Variants in PRRX1 observed in about 807,000 individuals in gnomAD.
PRRX1 encodes paired mesoderm homeobox protein 1.
In PRRX1, 8 loss-of-function variants were observed where a neutral mutation model predicts 24.0. That is an observed-to-expected ratio of 0.33 (90% confidence interval 0.20 to 0.60). The LOEUF is 0.60. PRRX1 is among the 20% of genes least tolerant of loss of function. The pLI, the probability that PRRX1 is intolerant of heterozygous loss-of-function variation, is 0.82. For missense variants in PRRX1, 281 were observed against 322.4 expected (o/e 0.87, Z 0.98); for synonymous variants, 160 against 131.7 (o/e 1.22, Z -1.47).
intron 1 of PRRX1, 21 bp downstream of exon 1, chr1:170,664,480 C>T (rs1185105243): frequency 1.3e-6 from 2 of 1,584,948 alleles, no homozygotes; most frequent in South Asian, 1.1e-5. Context: ...GGCGCATGCC[C>T]ACGGGGGTGT....
intron 1 of PRRX1, among the ~76,000 whole-genome samples, chr1:170,712,849 A>G (rs1654793947): frequency 6.6e-6 from 1 of 152,190 alleles, no homozygotes. Flanking sequence ...ACTTCCAACT[A>G]TGCTTCCATC....
At chr1:170,715,767 T>A (rs953998735) in intron 1 of PRRX1, among the ~76,000 whole-genome samples, 2 of 152,242 alleles carry the variant, frequency 1.3e-5, no homozygotes, top group African/African-American at 4.8e-5. Context: ...TTGCATTTTT[T>A]AATGGCTATT....
upstream of PRRX1, chr1:170,663,661 A>G (rs913108471): frequency 1.3e-5 from 2 of 152,482 alleles, no homozygotes; most frequent in African/African-American, 2.4e-5. Flanking sequence ...TAAAGCTGGA[A>G]CAAGCCTTCT....
At chr1:170,714,569 G>C (rs578024277) in intron 1 of PRRX1, among the ~76,000 whole-genome samples, 2 of 150,852 alleles carry the variant, frequency 1.3e-5, no homozygotes, top group Admixed American at 1.3e-4. Context: ...ATGTTTTTCC[G>C]TACCTTTAAA....
At chr1:170,732,938 T>TA (rs1466727625) in intron 3 of PRRX1, among the ~76,000 whole-genome samples, 2 of 152,158 alleles carry the variant, frequency 1.3e-5, no homozygotes, top group South Asian at 2.1e-4. Flanking sequence ...TGCCACCATA[T>TA]AATCAGACGA....
At chr1:170,722,513 T>C (rs772026478) in intron 2 of PRRX1, 22 of 152,190 alleles carry the variant, frequency 1.4e-4, no homozygotes, top group Non-Finnish European at 2.5e-4. Context: ...GTACAAACCA[T>C]ACACTTATGA....
chr1:170,726,287 C>T lies in PRRX1; in HGVS notation c.485C>T (p.Ala162Val), dbSNP rs1352996112. The change falls in exon 3 of 4, where the codon GCT becomes GTT. Residue 162 changes from alanine (A) to valine (V), a missense_variant. Coordinates refer to ENST00000239461, the MANE Select transcript of PRRX1 (RefSeq NM_022716.4). ...NERAMLANKN[A>V]SLLKSYSGDV... ...AGAGCCATGCTAGCCAATAAAAACGCTTCCCTCCTCAAATCCTACTCAGGA... is the reference window on the plus strand; with the variant it reads ...AGAGCCATGCTAGCCAATAAAAACGTTTCCCTCCTCAAATCCTACTCAGGA... 1.2e-6 allele frequency: 2 copies of T among 1,613,946 alleles called. No individual in the cohort carries two copies. Among genetic ancestry groups the T allele is most frequent in the Non-Finnish European group, 1.7e-6 (2 of 1,179,980 alleles).
At chr1:170,668,415 CATAA>C (rs1274263676) in intron 1 of PRRX1, 1 of 152,206 alleles carries the variant, frequency 6.6e-6, no homozygotes, top group Admixed American at 6.5e-5. Context: ...CACATGTAGT[CATAA>C]AAAGGTAGAC....
intron 1 of PRRX1, among the ~76,000 whole-genome samples, chr1:170,692,446 T>G (rs1654020553): frequency 6.6e-6 from 1 of 152,134 alleles, no homozygotes; most frequent in African/African-American, 2.4e-5. Flanking sequence ...TGTAGCTAAC[T>G]TTCTAGAATG....
chr1:170,669,926 A>G (rs1469605478), intron 1 of PRRX1, among the ~76,000 whole-genome samples: 1 of 152,162 alleles, frequency 6.6e-6, no homozygotes, highest in Non-Finnish European at 1.5e-5. Flanking sequence ...CATTTCGCTT[A>G]TTTTTCTACA....
chr1:170,703,240 T>C (rs1654450289), intron 1 of PRRX1, among the ~76,000 whole-genome samples: 1 of 152,236 alleles, frequency 6.6e-6, no homozygotes, highest in Non-Finnish European at 1.5e-5. Flanking sequence ...TTCAGGATCA[T>C]TGGTTCTACG....
chr1:170,693,066 C>T (rs1458376139), intron 1 of PRRX1, among the ~76,000 whole-genome samples: 1 of 152,066 alleles, frequency 6.6e-6, no homozygotes, highest in Non-Finnish European at 1.5e-5. Context: ...CAGCATTTTT[C>T]CCCAGTCCTT....
At chr1:170,697,739 TA>T (rs1332634675) in intron 1 of PRRX1, among the ~76,000 whole-genome samples, 1 of 147,256 alleles carries the variant, frequency 6.8e-6, no homozygotes, top group African/African-American at 2.5e-5. Context: ...TATACATATA[TA>T]AATATATATA....
At chr1:170,690,354 G>T (rs1272194486) in intron 1 of PRRX1, among the ~76,000 whole-genome samples, 2 of 151,914 alleles carry the variant, frequency 1.3e-5, no homozygotes, top group Non-Finnish European at 2.9e-5. Context: ...CAGCTCAGTG[G>T]GTAAAGAAAA....
At chr1:170,680,578 T>C (rs1371060715) in intron 1 of PRRX1, among the ~76,000 whole-genome samples, 1 of 152,234 alleles carries the variant, frequency 6.6e-6, no homozygotes, top group African/African-American at 2.4e-5. Flanking sequence ...TTGTGGAGCA[T>C]ACTGGCAGCA....
intron 1 of PRRX1, among the ~76,000 whole-genome samples, chr1:170,688,821 A>G (rs1653829949): frequency 6.6e-6 from 1 of 152,134 alleles, no homozygotes; most frequent in African/African-American, 2.4e-5. Context: ...TTTTCTTCCC[A>G]TATCTTAACT....
chr1:170,702,467 T>C (rs1363781441), intron 1 of PRRX1, among the ~76,000 whole-genome samples: 4 of 152,174 alleles, frequency 2.6e-5, no homozygotes, highest in Non-Finnish European at 5.9e-5. Flanking sequence ...GTCGGACTCC[T>C]CCCTATGGAG....
At chr1:170,705,935 T>TACACACACACACACACAC (rs71125270) in intron 1 of PRRX1, among the ~76,000 whole-genome samples, 45 of 146,412 alleles carry the variant, frequency 3.1e-4, no homozygotes, top group African/African-American at 1.1e-3. Flanking sequence ...CACACACACA[T>TACACACACACACACACAC]ACACACACAC....
intron 1 of PRRX1, among the ~76,000 whole-genome samples, chr1:170,673,682 C>T (rs184804878): frequency 1.3e-5 from 2 of 152,198 alleles, no homozygotes; most frequent in Non-Finnish European, 2.9e-5. Flanking sequence ...ATGGAACTAA[C>T]GAACTTTCTT....
Sources: gnomAD v4.1 joint callset for allele counts (sites outside exome capture counted in the v4.1 genomes callset) on GRCh38, gnomAD v4.1.1 for gene constraint, MANE v1.5 for transcripts, NCBI Gene and HGNC (gene_info 2026-07-23, HGNC 2026-07-21) for gene names.